Variants in DNAAF1 observed in about 807,000 individuals in gnomAD.
DNAAF1 encodes the protein dynein axonemal assembly factor 1.
A neutral mutation model predicts 71.1 loss-of-function variants in DNAAF1; 65 were observed. That is an observed-to-expected ratio of 0.91 (90% CI 0.75 to 1.12). DNAAF1 has a LOEUF of 1.12. DNAAF1 is among the 50% of genes most tolerant of loss of function. The probability of loss-of-function intolerance (pLI) is 0.00; values close to 1 mark genes in which losing one functional copy is unlikely to be tolerated. For missense variants in DNAAF1, 1,178 were observed against 899.8 expected (o/e 1.31, Z -3.96); for synonymous variants, 414 against 354.6 (o/e 1.17, Z -1.88).
chr16:84,150,312 T>A lies in DNAAF1; in HGVS notation c.322T>A (p.Leu108Met), dbSNP rs763840893. 6.8e-6 allele frequency: 11 copies of A among 1,613,768 alleles called. No homozygotes were observed. The highest frequency in any genetic ancestry group is 1.7e-5 in the Admixed American group (1 of 60,030). ...KQHKLYITPA[L>M]NDTLYLHFKG... ...GCACAAGCTTTATATTACCCCAGCA[T>A]TGAATGATACGCTGTATTTACACTT... Residue 108 changes from leucine (L) to methionine (M), a missense_variant, in exon 3 of 12, where the codon TTG (leucine) becomes ATG (methionine). By Grantham distance (15) the Leu-to-Met change is conservative. Transcript: ENST00000378553.
intron 5 of DNAAF1, among the ~76,000 whole-genome samples, chr16:84,158,049 C>CA (rs1416956328): frequency 2.0e-5 from 3 of 151,890 alleles, no homozygotes; most frequent in African/African-American, 7.3e-5. Context: ...ACTAAAAATA[C>CA]AAAAAATTAG....
intron 7 of DNAAF1, among the ~76,000 whole-genome samples, chr16:84,167,781 T>C (rs2151258501): frequency 6.6e-6 from 1 of 152,254 alleles, no homozygotes; most frequent in South Asian, 2.1e-4. Flanking sequence ...TTTGGGAGGC[T>C]GAGGCGGGTG....
At chr16:84,173,159 G>A (rs2088456192) in intron 9 of DNAAF1, 2 of 985,892 alleles carry the variant, frequency 2.0e-6, no homozygotes, top group African/African-American at 1.7e-5. Flanking sequence ...ATTTCACATG[G>A]CCCAGTAGGA....
intron 6 of DNAAF1, among the ~76,000 whole-genome samples, chr16:84,163,138 C>A (rs1412434633): frequency 1.3e-5 from 2 of 152,204 alleles, no homozygotes; most frequent in Middle Eastern, 3.4e-3. Flanking sequence ...CACTTTTTGC[C>A]TGTTGTGAAT....
intron 9 of DNAAF1, chr16:84,174,188 G>C: frequency 3.0e-6 from 3 of 1,008,428 alleles, no homozygotes; most frequent in Non-Finnish European, 3.6e-6. Context: ...CACACACTAT[G>C]CTGCCTCCCC....
intron 10 of DNAAF1, chr16:84,175,625 G>A (rs1222994421): frequency 2.5e-6 from 1 of 407,254 alleles, no homozygotes; most frequent in Non-Finnish European, 4.6e-6. Flanking sequence ...GAAGGAAACG[G>A]GGTTCAGGGG....
chr16:84,150,171 G>T, intron 2 of DNAAF1, 80 bp from the exon 3 acceptor site: 2 of 1,070,262 alleles, frequency 1.9e-6, no homozygotes, highest in Non-Finnish European at 2.9e-6. Context: ...GGCAGGAATG[G>T]ATGTGGTAAA....
Position 84,176,414 on chromosome 16 carries a change from C to T in DNAAF1, c.2065+115C>T, listed in dbSNP as rs1386005892. ...TGAGCTTTCATGTTGCTGGAGGGGT[C>T]ACCCAGGACAGACCACACAGATCCT... On this transcript the variant is annotated intron_variant, in intron 11 of 11. Coordinates refer to ENST00000378553, the MANE Select transcript of DNAAF1 (RefSeq NM_178452.6). 7.0e-5 allele frequency: 103 copies of T among 1,478,202 alleles called. 1 individual carries two copies. The highest frequency in any genetic ancestry group is 5.6e-6 in the Non-Finnish European group (6 of 1,075,576). The allele number at this position is 1,478,202 out of a possible 1,614,324, so 91.6% of individuals were successfully genotyped here. A position where few individuals can be genotyped will look rare whatever the true frequency, so the allele number is the denominator to read the frequency against.
intron 6 of DNAAF1, among the ~76,000 whole-genome samples, chr16:84,160,880 T>G (rs1567549209): frequency 6.8e-6 from 1 of 147,034 alleles, no homozygotes; most frequent in Non-Finnish European, 1.5e-5. Context: ...GAGCTTGCAG[T>G]GAGCTGAGAT....
Position 84,150,242 on chromosome 16 carries a change from T to C in DNAAF1, c.261-9T>C, listed in dbSNP as rs1427727667. 6 of 1,605,716 alleles carry C rather than the reference T, an allele frequency of 3.7e-6. No homozygotes were observed. The East Asian group carries it at 6.7e-5, about 18-fold the overall frequency. On this transcript the variant is annotated splice_polypyrimidine_tract_variant and intron_variant, in intron 2 of 11. Transcript: ENST00000378553. ...CAATAAGCTTATTCATATTTTTCCA[T>C]TTTAACAGAATGACTAAAAGTTCCC...
intron 11 of DNAAF1, chr16:84,176,926 C>T (rs118080908): frequency 0.04 from 6,758 of 168,376 alleles, 173 homozygotes; most frequent in Middle Eastern, 0.13. Flanking sequence ...GTACATGTGC[C>T]TGGCAGATGC....
rs764943936 is a variant in DNAAF1 at position 84,159,700 on chromosome 16, C to G, written c.767C>G (p.Pro256Arg). 6.2e-7 allele frequency: 1 copy of G among 1,613,622 alleles called. No individual in the cohort carries two copies. Among genetic ancestry groups the G allele is most frequent in the East Asian group, 2.2e-5 (1 of 44,828 alleles). The change falls in exon 6 of 12, where the codon CCG (proline) becomes CGG (arginine). Residue 256 changes from proline to arginine, a missense_variant. Coordinates refer to ENST00000378553, the MANE Select transcript of DNAAF1 (RefSeq NM_178452.6). ...DLRVLNLMGNPVIRQIPNYRR... is the reference protein window; with the variant it reads ...DLRVLNLMGNRVIRQIPNYRR... ...CGTGTACTGAATTTGATGGGAAACC[C>G]GGTTATCAGACAGATTCCTAATTAC... is the stretch of plus-strand genomic sequence containing the variant.
Position 84,145,543 on chromosome 16 carries a change from G to A in DNAAF1, c.103G>A (p.Gly35Ser). The A allele has an allele frequency of 6.5e-7, 1 of 1,550,050 alleles. No individual in the cohort carries two copies. Among genetic ancestry groups the A allele is most frequent in the Non-Finnish European group, 8.7e-7 (1 of 1,147,354 alleles). The change falls in exon 1 of 12, where the codon GGC becomes AGC. Residue 35 changes from glycine to serine, a missense_variant. Coordinates refer to ENST00000378553, the MANE Select transcript of DNAAF1 (RefSeq NM_178452.6). Reference sequence around the variant, plus strand: ...GTCTGCGGGTGACCACGGGAGCGCAGGCCGAGGGGGCTGCAAGGAAGGTGC... The same window carrying A: ...GTCTGCGGGTGACCACGGGAGCGCAAGCCGAGGGGGCTGCAAGGAAGGTGC... ...EESAGDHGSA[G>S]RGGCKEEIND... is the part of the protein sequence containing the mutation.
intron 8 of DNAAF1, 56 bp downstream of exon 8, chr16:84,170,412 C>T: frequency 9.9e-6 from 16 of 1,611,148 alleles, no homozygotes; most frequent in Non-Finnish European, 1.7e-6. Context: ...GAGCCCCAGC[C>T]TTCGACTCAC....
At chr16:84,161,294 C>T (rs1383714289) in intron 6 of DNAAF1, among the ~76,000 whole-genome samples, 2 of 152,154 alleles carry the variant, frequency 1.3e-5, no homozygotes, top group African/African-American at 4.8e-5. Flanking sequence ...CCCCAGGGGC[C>T]ATGCTGAGGA....
chr16:84,162,280 T>C (rs551142820), intron 6 of DNAAF1: 43 of 152,248 alleles, frequency 2.8e-4, no homozygotes, highest in African/African-American at 1.0e-3. Context: ...TGAGGCATAA[T>C]TCACATACCA....
In DNAAF1 at chr16:84,149,110, C is replaced by T. The variant is rs61743547; in HGVS notation, c.228C>T (p.His76=). 29,774 of 1,614,006 alleles carry T rather than the reference C, an allele frequency of 0.018. 481 individuals are homozygous for T. The highest frequency in any genetic ancestry group is 0.017 in the Non-Finnish European group (20,417 of 1,179,972). Residue 76 remains histidine, a synonymous_variant, in exon 2 of 12, where the codon CAC becomes CAT. Transcript: ENST00000378553. Reference sequence around the variant, plus strand: ...ATGGGTCAGGTGGTCACTTCGCACACCCAAGAGAAGACAGGGAAGATCGGG... The same window carrying T: ...ATGGGTCAGGTGGTCACTTCGCACATCCAAGAGAAGACAGGGAAGATCGGG... ...GDNGSGGHFA[H]PREDREDRGP... is the part of the protein sequence containing the mutation.
At chr16:84,174,623 A>AGTGC in intron 9 of DNAAF1, 46 bp from the exon 10 acceptor site, 1 of 1,614,026 alleles carries the variant, frequency 6.2e-7, no homozygotes, top group Non-Finnish European at 8.5e-7. Flanking sequence ...GAACGTTGAC[A>AGTGC]GTGCGTGTAC....
In DNAAF1 at chr16:84,145,495, G is replaced by C. The variant is rs752511041; in HGVS notation, c.55G>C (p.Ala19Pro). ...ATGGAAELDC[A>P]QEPGVEESAG... Reference sequence around the variant, plus strand: ...AGGTGGTGCAGCAGAGCTGGATTGCGCGCAGGAGCCCGGCGTGGAGGAGTC... The same window carrying C: ...AGGTGGTGCAGCAGAGCTGGATTGCCCGCAGGAGCCCGGCGTGGAGGAGTC... The change falls in exon 1 of 12, where the codon GCG becomes CCG. Residue 19 changes from alanine to proline, a missense_variant. Ala to Pro is a conservative substitution (Grantham distance 27). Transcript: ENST00000378553. 1.9e-6 allele frequency: 3 copies of C among 1,569,714 alleles called. No homozygotes were observed. The highest frequency in any genetic ancestry group is 2.6e-6 in the Non-Finnish European group (3 of 1,157,342).
Sources: gnomAD v4.1 joint callset for allele counts (sites outside exome capture counted in the v4.1 genomes callset) on GRCh38, gnomAD v4.1.1 for gene constraint, MANE v1.5 for transcripts, NCBI Gene and HGNC (gene_info 2026-07-23, HGNC 2026-07-21) for gene names.